The following SLC24A2 variants were observed in gnomAD, a reference collection of about 807,000 sequenced individuals.
SLC24A2 encodes the protein sodium/potassium/calcium exchanger 2.
A neutral mutation model predicts 62.0 loss-of-function variants in SLC24A2; 36 were observed. The observed-to-expected ratio is 0.58, with a 90% CI of 0.44 to 0.77. SLC24A2 has a LOEUF of 0.77. SLC24A2 is among the 30% of genes least tolerant of loss of function. The pLI is 0.00. For synonymous variants in SLC24A2, 358 were observed against 294.0 expected (o/e 1.22, Z -2.23); for missense variants, 846 against 817.9 (o/e 1.03, Z -0.42).
At chr9:20,242,560 G>A in the SLC24A2 span, among the ~76,000 whole-genome samples, 2 of 152,220 alleles carry the variant, frequency 1.3e-5, no homozygotes, top group African/African-American at 4.8e-5. Flanking sequence ...AAGGCTGTGA[G>A]TGCAGGGAAG....
At chr9:19,681,000 G>A (rs1473246451) in intron 2 of SLC24A2, among the ~76,000 whole-genome samples, 3 of 151,880 alleles carry the variant, frequency 2.0e-5, no homozygotes, top group Non-Finnish European at 4.4e-5. Flanking sequence ...CTTCATCCCA[G>A]CTTGTTCTCA....
chr9:19,686,826 C>A (rs1266904115), intron 2 of SLC24A2, among the ~76,000 whole-genome samples: 4 of 152,066 alleles, frequency 2.6e-5, no homozygotes, highest in Admixed American at 2.6e-4. Flanking sequence ...TGAACTAATA[C>A]ACATGTGTAT....
chr9:19,918,260 A>T, the SLC24A2 span, among the ~76,000 whole-genome samples: 3 of 151,414 alleles, frequency 2.0e-5, no homozygotes, highest in South Asian at 4.2e-4. Context: ...CGTTTATTTA[A>T]GTTGGTGCTG....
chr9:19,775,844 G>C (rs572869107), intron 2 of SLC24A2, among the ~76,000 whole-genome samples: 10 of 152,248 alleles, frequency 6.6e-5, no homozygotes, highest in Admixed American at 2.0e-4. Context: ...TGATCAAACA[G>C]ATGCCCTTGT....
the SLC24A2 span, among the ~76,000 whole-genome samples, chr9:19,806,935 G>A: frequency 6.6e-6 from 1 of 152,174 alleles, no homozygotes; most frequent in South Asian, 2.1e-4. Flanking sequence ...TAGACAAACT[G>A]AGACTCCATC....
intron 5 of SLC24A2, among the ~76,000 whole-genome samples, chr9:19,581,790 G>A (rs1167550685): frequency 6.6e-6 from 1 of 152,184 alleles, no homozygotes; most frequent in East Asian, 1.9e-4. Context: ...TCTAAGAAAT[G>A]ACTGTGTAAC....
the SLC24A2 span, among the ~76,000 whole-genome samples, chr9:20,162,713 T>C: frequency 6.6e-6 from 1 of 152,034 alleles, no homozygotes; most frequent in African/African-American, 2.4e-5. Flanking sequence ...TTGATGAACA[T>C]TGATGCAAAA....
At chr9:20,032,235 T>A in the SLC24A2 span, among the ~76,000 whole-genome samples, 1 of 152,332 alleles carries the variant, frequency 6.6e-6, no homozygotes, top group Middle Eastern at 3.4e-3. Context: ...TACTTCAATC[T>A]AAATTCCTTA....
the SLC24A2 span, among the ~76,000 whole-genome samples, chr9:20,169,528 T>C: frequency 6.6e-6 from 1 of 151,974 alleles, no homozygotes; most frequent in Non-Finnish European, 1.5e-5. Context: ...CAACCCCCAG[T>C]GTTAGCCTGA....
chr9:20,039,311 G>C, the SLC24A2 span, among the ~76,000 whole-genome samples: 1 of 152,082 alleles, frequency 6.6e-6, no homozygotes, highest in Non-Finnish European at 1.5e-5. Context: ...CTGCAGGGGA[G>C]TGGGGCAGAT....
the SLC24A2 span, among the ~76,000 whole-genome samples, chr9:20,188,199 G>C: frequency 5.3e-4 from 80 of 152,320 alleles, no homozygotes; most frequent in East Asian, 0.013. Context: ...CCAAATTAGA[G>C]AACACTCTCC....
At chr9:19,964,222 G>T in the SLC24A2 span, among the ~76,000 whole-genome samples, 1 of 115,314 alleles carries the variant, frequency 8.7e-6, no homozygotes, top group Non-Finnish European at 1.7e-5. Flanking sequence ...ACTGTTGTGG[G>T]GTGGGGGGAG....
chr9:19,908,691 C>G, the SLC24A2 span, among the ~76,000 whole-genome samples: 1 of 152,132 alleles, frequency 6.6e-6, no homozygotes, highest in Non-Finnish European at 1.5e-5. Flanking sequence ...AGACACTTTT[C>G]AAAAGAAGAC....
At chr9:19,527,600 C>A (rs551949113) in intron 9 of SLC24A2, among the ~76,000 whole-genome samples, 1 of 152,212 alleles carries the variant, frequency 6.6e-6, no homozygotes, top group South Asian at 2.1e-4. Flanking sequence ...AAAATAATAA[C>A]AATACATCAT....
chr9:20,143,167 T>G, the SLC24A2 span, among the ~76,000 whole-genome samples: 1 of 152,164 alleles, frequency 6.6e-6, no homozygotes, highest in Non-Finnish European at 1.5e-5. Flanking sequence ...GGAAGTGACA[T>G]GCAAATGCAG....
intron 4 of SLC24A2, among the ~76,000 whole-genome samples, chr9:19,612,481 A>T (rs916800436): frequency 6.6e-6 from 1 of 152,118 alleles, no homozygotes; most frequent in Admixed American, 6.5e-5. Context: ...TGCCCAGTGT[A>T]TATTAGCTCG....
At chr9:19,567,252 A>C (rs2132826378) in intron 7 of SLC24A2, among the ~76,000 whole-genome samples, 2 of 151,682 alleles carry the variant, frequency 1.3e-5, no homozygotes, top group South Asian at 4.2e-4. Context: ...GAGAAGTAAA[A>C]GTAAGGAATA....
At chr9:19,560,249 A>C (rs1835324115) in intron 7 of SLC24A2, among the ~76,000 whole-genome samples, 2 of 151,856 alleles carry the variant, frequency 1.3e-5, no homozygotes, top group Admixed American at 1.3e-4. Context: ...TCAGTTACTC[A>C]ACTCTGATGT....
chr9:20,069,398 T>C, the SLC24A2 span, among the ~76,000 whole-genome samples: 1 of 152,194 alleles, frequency 6.6e-6, no homozygotes, highest in Non-Finnish European at 1.5e-5. Flanking sequence ...CCATATATAA[T>C]TGGCTATTTA....
Sources: allele counts gnomAD v4.1 joint callset (sites outside exome capture counted in the v4.1 genomes callset), GRCh38; gene constraint gnomAD v4.1.1; transcripts MANE v1.5; gene names NCBI Gene and HGNC (gene_info 2026-07-23, HGNC 2026-07-21).